WWC2: variants seen among roughly 807,000 people sequenced by gnomAD.
WWC2 encodes the protein protein WWC2.
Under a neutral mutation model 138.5 loss-of-function variants are expected in WWC2, and 101 were observed. The ratio of observed to expected loss-of-function variants is 0.73; its 90% CI spans 0.62 to 0.86. The LOEUF is 0.86. WWC2 is among the 40% of genes least tolerant of loss of function. The pLI, the probability that WWC2 is intolerant of heterozygous loss-of-function variation, is 0.00. For synonymous variants in WWC2, 558 were observed against 538.4 expected, an observed-to-expected ratio of 1.04 and a Z score of -0.50; for missense variants, 1,420 against 1,419.4, an observed-to-expected ratio of 1.00 and a Z score of -0.01.
chr4:183,100,368 T>C (rs1419875463), intron 1 of WWC2, among the ~76,000 whole-genome samples: 1 of 152,264 alleles, frequency 6.6e-6, no homozygotes, highest in African/African-American at 2.4e-5. Context: ...TTTTTGTTTT[T>C]TAAATTGGTT....
chr4:183,269,047 G>A lies in WWC2; in HGVS notation c.2284G>A (p.Glu762Lys). ...TCGCACAAAAGTTCATCCGCCCACA[G>A]AATCCATTTTATTCAATGATGTGTT... is the stretch of plus-strand genomic sequence containing the variant. ...LFRTKVHPPT[E>K]SILFNDVFRV... Residue 762 changes from glutamate to lysine, a missense_variant, in exon 15 of 23, where the codon GAA becomes AAA. Glu to Lys is a moderately conservative substitution (Grantham distance 56). Transcript: ENST00000403733. 1 of 1,613,882 alleles carries A rather than the reference G, an allele frequency of 6.2e-7. No homozygotes were observed. Among genetic ancestry groups the A allele is most frequent in the Non-Finnish European group, 8.5e-7 (1 of 1,179,870 alleles).
chr4:183,107,094 CCTT>C lies in WWC2; in HGVS notation c.131+7475_131+7477del, dbSNP rs1335398106. On this transcript the variant is annotated intron_variant, in intron 1 of 22. Coordinates refer to ENST00000403733, the MANE Select transcript of WWC2 (RefSeq NM_024949.6). ...CACCAACACTTCTCTCTCTTTCTCT[CCTT>C]CTCTCCTCTTTCTGTCTCTCTCTTC... Among the ~76,000 whole-genome samples, 9 of 152,182 alleles carry C rather than the reference CCTT, an allele frequency of 5.9e-5. No individual in the cohort carries two copies. In the East Asian group the frequency reaches 1.5e-3, roughly 26 times the overall value.
chr4:183,315,897 G>A lies in WWC2; in HGVS notation c.*168G>A, dbSNP rs1739421932. 4 of 547,352 alleles carry A rather than the reference G, an allele frequency of 7.3e-6. No individual in the cohort carries two copies. The South Asian group carries it at 9.5e-5, about 13-fold the overall frequency. The allele number at this position is 547,352 out of a possible 1,614,324, so 33.9% of individuals were successfully genotyped here. On this transcript the variant is annotated 3_prime_UTR_variant, in exon 23 of 23. Transcript: ENST00000403733. Reference sequence around the variant, plus strand: ...GATTTTCAACACATTAATTTGTAAAGTACCTTGAGTGTAATTTTTATATGC... The same window carrying A: ...GATTTTCAACACATTAATTTGTAAAATACCTTGAGTGTAATTTTTATATGC...
At chr4:183,117,566 G>C (rs997263510) in intron 1 of WWC2, among the ~76,000 whole-genome samples, 5 of 151,236 alleles carry the variant, frequency 3.3e-5, no homozygotes, top group African/African-American at 1.2e-4. Flanking sequence ...ACCCTGTTGG[G>C]TGTCTACTAT....
chr4:183,208,168 G>A lies in WWC2; in HGVS notation c.445+12G>A. ...TTCTCACACAAGCTGTAAGTACAGTGTGGCTATTCAGACTTTGGAAGTGGA... is the reference window on the plus strand; with the variant it reads ...TTCTCACACAAGCTGTAAGTACAGTATGGCTATTCAGACTTTGGAAGTGGA... On this transcript the variant is annotated intron_variant, in intron 3 of 22. Transcript: ENST00000403733. 5 of 1,612,940 alleles carry A rather than the reference G, an allele frequency of 3.1e-6. No individual in the cohort carries two copies. Among genetic ancestry groups the A allele is most frequent in the Non-Finnish European group, 4.2e-6 (5 of 1,179,424 alleles).
Position 183,261,116 on chromosome 4 carries a change from C to T in WWC2, c.1493C>T (p.Pro498Leu), listed in dbSNP as rs754778058. 6 of 1,613,856 alleles carry T rather than the reference C, an allele frequency of 3.7e-6. No homozygotes were observed. The highest frequency in any genetic ancestry group is 2.2e-5 in the South Asian group (2 of 91,084). Residue 498 changes from proline to leucine, a missense_variant, in exon 11 of 23, where the codon CCT becomes CTT. By Grantham distance (98) the Pro-to-Leu change is moderately conservative (BLOSUM62 -3). Coordinates refer to ENST00000403733, the MANE Select transcript of WWC2 (RefSeq NM_024949.6). Reference sequence around the variant, plus strand: ...CTGCAAGAGAAAAGCGGTTACATTCCTTCTGGACCCATCACCACCATCCAT... The same window carrying T: ...CTGCAAGAGAAAAGCGGTTACATTCTTTCTGGACCCATCACCACCATCCAT... The part of the protein sequence containing the change: ...FLLQEKSGYI[P>L]SGPITTIHEN...
rs1279656767 is a variant in WWC2, at chr4:183,234,447, G to GT, written c.523-5735dup. 2.6e-5 allele frequency among the ~76,000 whole-genome samples: 4 copies of GT among 152,332 alleles called. No individual in the cohort carries two copies. In the South Asian group the frequency reaches 8.3e-4, roughly 32 times the overall value. ...TGGGCCTTTCATGTCTTCATTTCCA[G>GT]TGGGATACAGGAATAATGAAGTTTC... On this transcript the variant is annotated intron_variant, in intron 4 of 22. Transcript: ENST00000403733.
chr4:183,279,478 A>C (rs554398774), intron 16 of WWC2, among the ~76,000 whole-genome samples: 13 of 152,294 alleles, frequency 8.5e-5, no homozygotes, highest in Admixed American at 2.6e-4. Context: ...TATCAGAATG[A>C]TGCTGGCCTC....
At chr4:183,248,014 T>C (rs1736853927) in intron 6 of WWC2, among the ~76,000 whole-genome samples, 1 of 152,016 alleles carries the variant, frequency 6.6e-6, no homozygotes, top group Admixed American at 6.6e-5. Flanking sequence ...GTCTTTCCTT[T>C]TCAATACTTT....
intron 1 of WWC2, among the ~76,000 whole-genome samples, chr4:183,189,324 C>G (rs1734921376): frequency 6.6e-6 from 1 of 151,780 alleles, no homozygotes; most frequent in South Asian, 2.1e-4. Flanking sequence ...GCAATCCCAG[C>G]TACTCGAGAG....
At chr4:183,282,456 T>A (rs1176388935) in intron 17 of WWC2, among the ~76,000 whole-genome samples, 2 of 152,218 alleles carry the variant, frequency 1.3e-5, no homozygotes, top group Non-Finnish European at 2.9e-5. Context: ...TATTTTGATA[T>A]CTAGAAGTTA....
At chr4:183,293,564 C>T (rs1219229761) in intron 21 of WWC2, among the ~76,000 whole-genome samples, 1 of 152,260 alleles carries the variant, frequency 6.6e-6, no homozygotes, top group South Asian at 2.1e-4. Flanking sequence ...AAACACAAGA[C>T]ATTCAATATT....
chr4:183,307,828 T>A (rs1422962001), intron 21 of WWC2, among the ~76,000 whole-genome samples: 1 of 152,206 alleles, frequency 6.6e-6, no homozygotes, highest in Non-Finnish European at 1.5e-5. Context: ...TCTCACATCT[T>A]CTTTTCTGTA....
rs1439574601 is a variant in WWC2 at position 183,269,126 on chromosome 4, T to C, written c.2363T>C (p.Leu788Pro). ...ALQQKTLRVD[L>P]CSVSKHRREE... is the part of the protein sequence containing the mutation. ...CAACAGAAGACACTGAGGGTAGACC[T>C]TTGCTCTGTCAGTAAACACCGAAGG... is the stretch of plus-strand genomic sequence containing the variant. The change falls in exon 15 of 23, where the codon CTT becomes CCT. Residue 788 changes from leucine (L) to proline (P), a missense_variant. Leu to Pro is a moderately conservative substitution (Grantham distance 98, BLOSUM62 -3). Coordinates refer to ENST00000403733, the MANE Select transcript of WWC2 (RefSeq NM_024949.6). 4.3e-6 allele frequency: 7 copies of C among 1,612,990 alleles called. No individual in the cohort carries two copies. Among genetic ancestry groups the C allele is most frequent in the African/African-American group, 4.0e-5 (3 of 74,864 alleles).
At chr4:183,186,137 C>G (rs965741035) in intron 1 of WWC2, among the ~76,000 whole-genome samples, 3 of 152,010 alleles carry the variant, frequency 2.0e-5, no homozygotes, top group African/African-American at 7.2e-5. Flanking sequence ...TTAGTAGAGA[C>G]AGGGTTTCAC....
At chr4:183,312,233 G>A in intron 21 of WWC2, 108 bp from the exon 22 acceptor site, 1 of 1,492,678 alleles carries the variant, frequency 6.7e-7, no homozygotes, top group Non-Finnish European at 9.1e-7. Flanking sequence ...TGGCTGCCTT[G>A]CTTGCCCTCC....
chr4:183,257,840 G>A (rs1043150350), intron 9 of WWC2, among the ~76,000 whole-genome samples: 1 of 152,188 alleles, frequency 6.6e-6, no homozygotes, highest in African/African-American at 2.4e-5. Context: ...ACTGGCCAGG[G>A]CACCCTGTGC....
intron 2 of WWC2, among the ~76,000 whole-genome samples, chr4:183,205,868 G>A (rs187603375): frequency 6.6e-6 from 1 of 152,090 alleles, no homozygotes; most frequent in East Asian, 1.9e-4. Flanking sequence ...TCTGCCTATA[G>A]CGTCCCAGTT....
intron 2 of WWC2, among the ~76,000 whole-genome samples, chr4:183,206,824 T>G (rs1735460857): frequency 6.6e-6 from 1 of 152,190 alleles, no homozygotes; most frequent in South Asian, 2.1e-4. Context: ...AGCAGTACAC[T>G]CCAACTCCTT....
Sources: allele counts gnomAD v4.1 joint callset (sites outside exome capture counted in the v4.1 genomes callset), GRCh38; gene constraint gnomAD v4.1.1; transcripts MANE v1.5; gene names NCBI Gene and HGNC (gene_info 2026-07-23, HGNC 2026-07-21).